Variants in NOL4L observed in about 807,000 individuals in gnomAD.
The protein encoded by NOL4L is nucleolar protein 4 like.
Under a neutral mutation model 64.5 loss-of-function variants are expected in NOL4L, and 7 were observed. The observed-to-expected ratio is 0.11, with a 90% CI of 0.06 to 0.20. The LOEUF (loss-of-function observed/expected upper bound fraction) is 0.20. Among genes scored for constraint, NOL4L ranks in the 10% least tolerant of loss-of-function variants. The pLI is 1.00. For missense variants in NOL4L, 680 were observed against 967.1 expected (o/e 0.70, Z 3.94); for synonymous variants, 413 against 401.0 (o/e 1.03, Z -0.36).
intron 3 of NOL4L, chr20:32,519,751 G>A (rs912157036): frequency 2.6e-5 from 4 of 152,372 alleles, no homozygotes; most frequent in Non-Finnish European, 5.9e-5. Context: ...GACAGAGCTG[G>A]AGGGCATGGA....
rs530773382 is a variant in NOL4L at position 32,464,292 on chromosome 20, C to T, written c.842-7897G>A. On this transcript the variant is annotated intron_variant, in intron 5 of 10. Transcript: ENST00000621426. The surrounding 1 kb of genome is among the most constrained non-coding windows in gnomAD (Gnocchi z 5.6). Reference sequence around the variant, plus strand: ...ACCAGGCTCAGGGCAGGCTGCCCAGCTCTTCCTCCAGAAAGGCAGGAGGGG... The same window carrying T: ...ACCAGGCTCAGGGCAGGCTGCCCAGTTCTTCCTCCAGAAAGGCAGGAGGGG... Among the ~76,000 whole-genome samples the T allele has an allele frequency of 2.5e-4, 38 of 152,324 alleles. No homozygotes were observed. Among genetic ancestry groups the T allele is most frequent in the African/African-American group, 9.1e-4 (38 of 41,580 alleles).
At chr20:32,470,391 T>C (rs2014924914) in intron 5 of NOL4L, among the ~76,000 whole-genome samples, 1 of 152,218 alleles carries the variant, frequency 6.6e-6, no homozygotes, top group Non-Finnish European at 1.5e-5. Context: ...TTTCATCCAC[T>C]CATTCATTCA....
Position 32,474,691 on chromosome 20 carries a change from T to A in NOL4L, c.751A>T (p.Met251Leu). The change falls in exon 5 of 11, where the codon ATG (methionine) becomes TTG (leucine). Residue 251 changes from methionine to leucine, a missense_variant. By Grantham distance (15) the Met-to-Leu change is conservative. Transcript: ENST00000621426. ...GAGGCCAGGTGCGGGTCAGCTGACATCCATGTGGAGTCGCTCATATCAAAA... is the reference window on the plus strand; with the variant it reads ...GAGGCCAGGTGCGGGTCAGCTGACAACCATGTGGAGTCGCTCATATCAAAA... The part of the protein sequence containing the change: ...EDFDMSDSTW[M>L]SADPHLASSL... The A allele has an allele frequency of 6.2e-7, 1 of 1,613,796 alleles. No homozygotes were observed. Among genetic ancestry groups the A allele is most frequent in the Non-Finnish European group, 8.5e-7 (1 of 1,179,956 alleles).
chr20:32,526,502 TA>T (rs1173126909), intron 2 of NOL4L, among the ~76,000 whole-genome samples: 2,177 of 126,954 alleles, frequency 0.017, 63 homozygotes, highest in Admixed American at 0.089. Context: ...ATGGTTGCAT[TA>T]AAAAAAAAAA....
At chr20:32,485,340 G>A (rs2016044159) in intron 4 of NOL4L, among the ~76,000 whole-genome samples, 1 of 152,026 alleles carries the variant, frequency 6.6e-6, no homozygotes, top group African/African-American at 2.4e-5. Flanking sequence ...AACAATCCAT[G>A]GTAAACAAGG....
At chr20:32,489,293 G>C (rs1431914495) in intron 4 of NOL4L, among the ~76,000 whole-genome samples, 1 of 151,874 alleles carries the variant, frequency 6.6e-6, no homozygotes, top group Non-Finnish European at 1.5e-5. Context: ...AAGTAATGAA[G>C]TGGGGATCTG....
At chr20:32,544,208 A>T (rs1270649069) in intron 1 of NOL4L, among the ~76,000 whole-genome samples, 1 of 150,066 alleles carries the variant, frequency 6.7e-6, no homozygotes, top group African/African-American at 2.4e-5. Context: ...CAGGGAAGCC[A>T]TGGGGAGGCA....
intron 4 of NOL4L, among the ~76,000 whole-genome samples, chr20:32,503,799 T>C (rs1378474365): frequency 6.6e-6 from 1 of 152,214 alleles, no homozygotes; most frequent in African/African-American, 2.4e-5. Flanking sequence ...ACTGGGAAAC[T>C]GTCTTTGATC....
chr20:32,462,780 C>A (rs2014189198), intron 5 of NOL4L, among the ~76,000 whole-genome samples: 1 of 151,754 alleles, frequency 6.6e-6, no homozygotes, highest in South Asian at 2.1e-4. Context: ...TGGTGCACGC[C>A]TGTAGTCCCA....
intron 4 of NOL4L, chr20:32,483,389 C>A (rs925827575): frequency 2.0e-6 from 2 of 985,038 alleles, no homozygotes; most frequent in South Asian, 4.6e-5. Context: ...CGGAGATGGG[C>A]GGTCGGGATC....
intron 1 of NOL4L, among the ~76,000 whole-genome samples, chr20:32,575,211 T>C (rs1360097837): frequency 6.6e-6 from 1 of 151,992 alleles, no homozygotes; most frequent in Non-Finnish European, 1.5e-5. Context: ...CAGATCTCTC[T>C]CCTCCATCTG....
chr20:32,465,446 C>A (rs2014460815), intron 5 of NOL4L, among the ~76,000 whole-genome samples: 1 of 152,238 alleles, frequency 6.6e-6, no homozygotes, highest in Non-Finnish European at 1.5e-5. Context: ...CTTCCTAGAG[C>A]CCCTCCCCCA....
At chr20:32,487,172 G>T (rs1033981854) in intron 4 of NOL4L, among the ~76,000 whole-genome samples, 4 of 152,180 alleles carry the variant, frequency 2.6e-5, no homozygotes, top group Non-Finnish European at 5.9e-5. Context: ...GGAGGCTGGG[G>T]TAGGAGAATT....
chr20:32,462,624 A>G (rs185689800), intron 5 of NOL4L, among the ~76,000 whole-genome samples: 274 of 151,918 alleles, frequency 1.8e-3, no homozygotes, highest in African/African-American at 6.5e-3. Flanking sequence ...AAATGGATTT[A>G]GGCCAGGCGC....
intron 9 of NOL4L, among the ~76,000 whole-genome samples, chr20:32,452,654 G>A (rs751081131): frequency 3.5e-4 from 53 of 152,290 alleles, no homozygotes; most frequent in Non-Finnish European, 6.8e-4. Context: ...TATTTGATCA[G>A]GGCCCTCTGG....
At chr20:32,555,580 G>C (rs1568710940) in intron 1 of NOL4L, among the ~76,000 whole-genome samples, 1 of 152,026 alleles carries the variant, frequency 6.6e-6, no homozygotes, top group Non-Finnish European at 1.5e-5. Flanking sequence ...TGTCACAGGA[G>C]TGATAATGCA....
Position 32,545,044 on chromosome 20 carries a change from C to G in NOL4L, c.322-17131G>C, listed in dbSNP as rs936041039. On this transcript the variant is annotated intron_variant, in intron 1 of 10. Transcript: ENST00000621426. Reference sequence around the variant, plus strand: ...AGGTCCTAAGCAGGAGGTCTCAGGCCAAGTGGGGTCTATGGATGTATCTGG... The same window carrying G: ...AGGTCCTAAGCAGGAGGTCTCAGGCGAAGTGGGGTCTATGGATGTATCTGG... 1.1e-4 allele frequency among the ~76,000 whole-genome samples: 17 copies of G among 152,134 alleles called. No homozygotes were observed. In the East Asian group the frequency reaches 3.3e-3, roughly 29 times the overall value.
intron 3 of NOL4L, among the ~76,000 whole-genome samples, chr20:32,518,764 C>T (rs6141741): frequency 0.3 from 45,331 of 152,118 alleles, 7,794 homozygotes; most frequent in East Asian, 0.77. Flanking sequence ...CTGGCCCCTG[C>T]GGCCTAAACC....
At chr20:32,547,284 G>A (rs2018745567) in intron 1 of NOL4L, among the ~76,000 whole-genome samples, 1 of 152,058 alleles carries the variant, frequency 6.6e-6, no homozygotes, top group South Asian at 2.1e-4. Context: ...CGGGCAGCCT[G>A]GCCCCAGAAC....
Sources: gnomAD v4.1 joint callset for allele counts (sites outside exome capture counted in the v4.1 genomes callset) on GRCh38, gnomAD v4.1.1 for gene constraint, Gnocchi (gnomAD v3.1) non-coding constraint, MANE v1.5 for transcripts, NCBI Gene and HGNC (gene_info 2026-07-23, HGNC 2026-07-21) for gene names.